VWA8: variants seen among roughly 807,000 people sequenced by gnomAD.
VWA8 encodes the protein von Willebrand factor A domain containing 8.
VWA8 carries 221 observed loss-of-function variants against 241.5 expected under a neutral mutation model. That is an observed-to-expected ratio of 0.91 (90% CI 0.82 to 1.02). The LOEUF is 1.02. Among genes scored for constraint, VWA8 ranks in the 50% least tolerant of loss-of-function variants. The pLI, the probability that VWA8 is intolerant of heterozygous loss-of-function variation, is 0.00. For missense variants in VWA8, 2,322 were observed against 2,328.7 expected (o/e 1.00, Z 0.06); for synonymous variants, 852 against 827.1 (o/e 1.03, Z -0.52).
intron 12 of VWA8, among the ~76,000 whole-genome samples, chr13:41,837,035 TGATAGATA>T (rs67765155): frequency 0.044 from 6,565 of 148,654 alleles, 188 homozygotes; most frequent in Middle Eastern, 0.075. Context: ...TGCAGATAGA[TGATAGATA>T]GATAGATAGA....
chr13:41,834,589 T>C (rs1262038100), intron 12 of VWA8, among the ~76,000 whole-genome samples: 1 of 152,158 alleles, frequency 6.6e-6, no homozygotes, highest in Non-Finnish European at 1.5e-5. Flanking sequence ...AAATAACAGA[T>C]GCTGGCAAGG....
At chr13:41,812,999 T>G (rs557419682) in intron 16 of VWA8, among the ~76,000 whole-genome samples, 4 of 152,064 alleles carry the variant, frequency 2.6e-5, no homozygotes, top group Non-Finnish European at 4.4e-5. Context: ...ATCAAAGGCA[T>G]GAAAGCAAAA....
At chr13:41,573,486 A>AATAAATAAATGAATAT (rs1555303591) in intron 43 of VWA8, among the ~76,000 whole-genome samples, 1 of 113,614 alleles carries the variant, frequency 8.8e-6, no homozygotes, top group African/African-American at 3.4e-5. Flanking sequence ...AAAAAAAAAA[A>AATAAATAAATGAATAT]ATATATATAT....
Position 41,885,935 on chromosome 13 carries a change from AG to A in VWA8, c.959del (p.Ala320ValfsTer11), listed in dbSNP as rs1390386455. The A allele has an allele frequency of 6.6e-5, 104 of 1,585,670 alleles. No individual in the cohort carries two copies. The highest frequency in any genetic ancestry group is 7.6e-5 in the Non-Finnish European group (89 of 1,172,302). ...LPDFPLDSLA[A>X]AVQILDSFPM... The stretch of plus-strand genomic sequence containing the variant: ...TTTTACTTACCAAGATTTGAACCGC[AG>A]CTGCTAAACTATCTAAAGGAAAGTC... On this transcript the variant is annotated frameshift_variant, in exon 8 of 45. Transcript: ENST00000379310. LOFTEE classifies it high-confidence loss of function.
chr13:41,807,469 A>G (rs1870266754), intron 17 of VWA8, among the ~76,000 whole-genome samples: 1 of 152,236 alleles, frequency 6.6e-6, no homozygotes, highest in Admixed American at 6.5e-5. Flanking sequence ...AAACTCAACA[A>G]CACATTATAA....
In VWA8 at chr13:41,886,820, T is replaced by C. The variant is rs1189420583; in HGVS notation, c.827A>G (p.Lys276Arg). Residue 276 changes from lysine (K) to arginine (R), a missense_variant, in exon 7 of 45, where the codon AAG (lysine) becomes AGG (arginine). Physicochemically the swap from Lys to Arg is conservative, Grantham distance 26 (BLOSUM62 2). Transcript: ENST00000379310. ...IYYLPFKDQL[K>R]LLYSIGANVS... Reference sequence around the variant, plus strand: ...ATTGGCTCCAATTGAATATAACAACTTAAGTTGGTCCTAAAGTAATACAGA... The same window carrying C: ...ATTGGCTCCAATTGAATATAACAACCTAAGTTGGTCCTAAAGTAATACAGA... The C allele has an allele frequency of 6.3e-7, 1 of 1,590,800 alleles. No individual in the cohort carries two copies. Among genetic ancestry groups the C allele is most frequent in the Non-Finnish European group, 8.5e-7 (1 of 1,171,860 alleles).
chr13:41,946,090 G>A (rs1467741190), intron 2 of VWA8, among the ~76,000 whole-genome samples: 1 of 150,578 alleles, frequency 6.6e-6, no homozygotes, highest in Non-Finnish European at 1.5e-5. Flanking sequence ...AATCTAGGAA[G>A]TCCACAAACA....
At chr13:41,605,327 G>A (rs1159440429) in intron 39 of VWA8, 51 bp from the exon 40 acceptor site, 10 of 1,567,620 alleles carry the variant, frequency 6.4e-6, no homozygotes, top group Non-Finnish European at 8.7e-6. Flanking sequence ...CGTATATGTG[G>A]GTTTTTACTT....
intron 9 of VWA8, among the ~76,000 whole-genome samples, chr13:41,870,800 T>G (rs183328878): frequency 1.3e-5 from 2 of 152,268 alleles, no homozygotes; most frequent in East Asian, 1.9e-4. Flanking sequence ...ATAAACACTA[T>G]GTCCTGAGCC....
intron 14 of VWA8, 48 bp from the exon 15 acceptor site, chr13:41,819,434 G>C (rs917883339): frequency 2.6e-6 from 4 of 1,558,028 alleles, no homozygotes; most frequent in African/African-American, 1.4e-5. Context: ...TTTCATGTAA[G>C]AAATCAGATC....
intron 27 of VWA8, among the ~76,000 whole-genome samples, chr13:41,701,896 A>G (rs1004949478): frequency 2.6e-5 from 4 of 152,250 alleles, no homozygotes; most frequent in Non-Finnish European, 5.9e-5. Flanking sequence ...TCGCAAATGA[A>G]TGAGCCAGAG....
intron 21 of VWA8, among the ~76,000 whole-genome samples, chr13:41,736,844 CTTTTTT>C (rs5803100): frequency 2.3e-5 from 3 of 128,486 alleles, no homozygotes; most frequent in Non-Finnish European, 3.3e-5. Context: ...TTTTTCTTTT[CTTTTTT>C]TTTTTTTTTT....
At chr13:41,588,854 G>A (rs1377716193) in intron 41 of VWA8, among the ~76,000 whole-genome samples, 1 of 152,146 alleles carries the variant, frequency 6.6e-6, no homozygotes, top group Non-Finnish European at 1.5e-5. Context: ...AGAGTGTAAT[G>A]GTTTGAGGCA....
chr13:41,807,790 C>T (rs1446454257), intron 17 of VWA8: 3 of 152,142 alleles, frequency 2.0e-5, no homozygotes, highest in Non-Finnish European at 4.4e-5. Flanking sequence ...TGGGTATCTG[C>T]ACTAAGTTCA....
chr13:41,869,183 G>A (rs1047752262), intron 9 of VWA8, among the ~76,000 whole-genome samples: 1 of 152,096 alleles, frequency 6.6e-6, no homozygotes, highest in African/African-American at 2.4e-5. Flanking sequence ...CGAAGTTAAT[G>A]TGTTACCTGA....
chr13:41,587,672 T>C lies in VWA8; in HGVS notation c.5113-2A>G. ...GGGTTTCTGTTGTGGGCTGCCAAGCTGAGGGAAGGAATAACAGAAAAGCCG... is the reference window on the plus strand; with the variant it reads ...GGGTTTCTGTTGTGGGCTGCCAAGCCGAGGGAAGGAATAACAGAAAAGCCG... On this transcript the variant is annotated splice_acceptor_variant, in intron 41 of 44. Coordinates refer to ENST00000379310, the MANE Select transcript of VWA8 (RefSeq NM_015058.2). LOFTEE classifies it high-confidence loss of function. 2 of 1,613,994 alleles carry C rather than the reference T, an allele frequency of 1.2e-6. No individual in the cohort carries two copies. The highest frequency in any genetic ancestry group is 2.2e-5 in the East Asian group (1 of 44,882).
Position 41,960,839 on chromosome 13 carries a change from G to A in VWA8, c.163+14C>T, listed in dbSNP as rs752203035. The A allele has an allele frequency of 5.3e-6, 8 of 1,515,374 alleles. No individual in the cohort carries two copies. The South Asian group carries it at 9.6e-5, about 18-fold the overall frequency. The allele number at this position is 1,515,374 out of a possible 1,614,324, so 93.9% of individuals were successfully genotyped here. ...CAGGGGCACCAGGGAGGACAGGGGCGCACCCCGAGTTACCTGTGTCGGCCC... is the reference window on the plus strand; with the variant it reads ...CAGGGGCACCAGGGAGGACAGGGGCACACCCCGAGTTACCTGTGTCGGCCC... On this transcript the variant is annotated intron_variant, in intron 1 of 44. Transcript: ENST00000379310.
intron 1 of VWA8, among the ~76,000 whole-genome samples, chr13:41,950,821 A>AATTTG (rs1213583949): frequency 6.6e-6 from 1 of 151,314 alleles, no homozygotes; most frequent in Non-Finnish European, 1.5e-5. Context: ...GGTATGTGCC[A>AATTTG]CCACATCTGG....
intron 18 of VWA8, among the ~76,000 whole-genome samples, chr13:41,784,708 A>ATATATATG (rs1555335061): frequency 5.9e-5 from 4 of 67,584 alleles, no homozygotes; most frequent in African/African-American, 1.8e-4. Flanking sequence ...ATATATATAT[A>ATATATATG]TATATATATA....
Sources: allele counts gnomAD v4.1 joint callset (sites outside exome capture counted in the v4.1 genomes callset), GRCh38; gene constraint gnomAD v4.1.1; transcripts MANE v1.5; gene names NCBI Gene and HGNC (gene_info 2026-07-23, HGNC 2026-07-21).